LRP1B: variants seen among roughly 807,000 people sequenced by gnomAD.
LRP1B encodes the protein low-density lipoprotein receptor-related protein 1B.
Under a neutral mutation model 556.6 loss-of-function variants are expected in LRP1B, and 217 were observed. That is an observed-to-expected ratio of 0.39 (90% CI 0.35 to 0.44). The LOEUF is 0.44. Among genes scored for constraint, LRP1B ranks in the 20% least tolerant of loss-of-function variants. The pLI is 1.00. For missense variants in LRP1B, 5,053 were observed against 5,620.8 expected, an observed-to-expected ratio of 0.90 and a Z score of 3.23; for synonymous variants, 2,047 against 1,865.8, an observed-to-expected ratio of 1.10 and a Z score of -2.50.
At chr2:141,818,737 C>A (rs1040779480) in intron 1 of LRP1B, among the ~76,000 whole-genome samples, 95 of 151,008 alleles carry the variant, frequency 6.3e-4, no homozygotes, top group African/African-American at 2.2e-3. Flanking sequence ...GGGGTTTCAC[C>A]GTGTTAGCCA....
intron 3 of LRP1B, among the ~76,000 whole-genome samples, chr2:141,442,364 A>G (rs1184695834): frequency 1.3e-5 from 2 of 152,128 alleles, no homozygotes; most frequent in Non-Finnish European, 2.9e-5. Flanking sequence ...TTCATGTAAA[A>G]AACAGTGGAC....
intron 37 of LRP1B, among the ~76,000 whole-genome samples, chr2:140,712,485 G>A (rs1483026993): frequency 1.3e-5 from 2 of 151,570 alleles, no homozygotes; most frequent in Non-Finnish European, 2.9e-5. Context: ...CCTTGTCAAG[G>A]CTCCTCCTAT....
At chr2:141,487,450 T>G (rs182403420) in intron 2 of LRP1B, among the ~76,000 whole-genome samples, 315 of 152,274 alleles carry the variant, frequency 2.1e-3, no homozygotes, top group Non-Finnish European at 3.6e-3. Context: ...TTTCCACCAT[T>G]AATGCATTCT....
chr2:141,758,575 C>G (rs2105587078), intron 2 of LRP1B, among the ~76,000 whole-genome samples: 1 of 151,896 alleles, frequency 6.6e-6, no homozygotes, highest in East Asian at 1.9e-4. Context: ...AAATCTTGAA[C>G]AAAACTCAAT....
Position 141,858,130 on chromosome 2 carries a change from G to GA in LRP1B, c.83-47730dup, listed in dbSNP as rs200641874. Among the ~76,000 whole-genome samples the GA allele has an allele frequency of 8.0e-3, 1,209 of 150,254 alleles. 20 individuals are homozygous for GA. Among genetic ancestry groups the GA allele is most frequent in the African/African-American group, 0.028 (1,131 of 41,026 alleles). ...GGTACCTTGTATTTAGGATCTTCAG[G>GA]AAAAAAAAATACCTGCGTTAAATTT... On this transcript the variant is annotated intron_variant, in intron 1 of 90. Transcript: ENST00000389484.
chr2:140,367,143 T>C (rs182032326), intron 71 of LRP1B, among the ~76,000 whole-genome samples: 2 of 151,832 alleles, frequency 1.3e-5, no homozygotes, highest in African/African-American at 2.4e-5. Context: ...ATTGTTATTA[T>C]TTCTTTAAAG....
intron 3 of LRP1B, among the ~76,000 whole-genome samples, chr2:141,289,884 G>A (rs1685874420): frequency 6.6e-6 from 1 of 152,132 alleles, no homozygotes; most frequent in Non-Finnish European, 1.5e-5. Context: ...ATGTGTTACT[G>A]CTAGTGATAA....
chr2:141,956,990 T>C (rs1482181930), intron 1 of LRP1B, among the ~76,000 whole-genome samples: 1 of 151,986 alleles, frequency 6.6e-6, no homozygotes, highest in Non-Finnish European at 1.5e-5. Flanking sequence ...GTCAGCTACT[T>C]TTGATAGGGG....
At chr2:140,766,839 A>AT (rs1188554113) in intron 35 of LRP1B, among the ~76,000 whole-genome samples, 7 of 22,696 alleles carry the variant, frequency 3.1e-4, no homozygotes, top group East Asian at 0.021. Flanking sequence ...ATATATATAT[A>AT]TATATTATAT....
At chr2:141,582,550 G>C (rs62166485) in intron 2 of LRP1B, among the ~76,000 whole-genome samples, 8,885 of 152,074 alleles carry the variant, frequency 0.058, 299 homozygotes, top group Non-Finnish European at 0.067. Context: ...TTCTCCACAA[G>C]AAAGCAGTTA....
chr2:141,821,325 C>T (rs534710904), intron 1 of LRP1B, among the ~76,000 whole-genome samples: 2 of 152,332 alleles, frequency 1.3e-5, no homozygotes, highest in Admixed American at 6.5e-5. Context: ...TAAGCCTCAT[C>T]TAATGAGTAA....
At chr2:140,814,873 G>T (rs1408776155) in intron 31 of LRP1B, among the ~76,000 whole-genome samples, 2 of 152,106 alleles carry the variant, frequency 1.3e-5, no homozygotes, top group Admixed American at 6.6e-5. Context: ...ACATATTACA[G>T]TGGTGGCCAT....
At chr2:140,512,946 T>C (rs966762987) in intron 51 of LRP1B, among the ~76,000 whole-genome samples, 9 of 152,096 alleles carry the variant, frequency 5.9e-5, no homozygotes, top group Admixed American at 1.3e-4. Flanking sequence ...AGTTAGTACA[T>C]AAAATACAGC....
At chr2:141,765,688 C>A (rs549299881) in intron 2 of LRP1B, among the ~76,000 whole-genome samples, 47 of 152,310 alleles carry the variant, frequency 3.1e-4, no homozygotes, top group African/African-American at 1.1e-3. Context: ...CACACATAAA[C>A]CCTTTTTCAG....
At chr2:140,285,863 T>C (rs1490923749) in intron 84 of LRP1B, among the ~76,000 whole-genome samples, 2 of 151,684 alleles carry the variant, frequency 1.3e-5, no homozygotes, top group African/African-American at 4.8e-5. Flanking sequence ...TCATTGTGTA[T>C]AGTGTACATG....
intron 3 of LRP1B, among the ~76,000 whole-genome samples, chr2:141,377,789 GA>G (rs1256609438): frequency 3.3e-5 from 5 of 152,098 alleles, no homozygotes; most frequent in Admixed American, 3.3e-4. Context: ...TCTTTAGAGT[GA>G]ATTGCATTTT....
rs531782376 is a variant in LRP1B at position 140,967,073 on chromosome 2, TATGAAGAAACTC to T, written c.2887+15075_2887+15086del. Among the ~76,000 whole-genome samples, 40 of 152,324 alleles carry T rather than the reference TATGAAGAAACTC, an allele frequency of 2.6e-4. 1 individual carries two copies. In the South Asian group the frequency reaches 8.1e-3, roughly 31 times the overall value. On this transcript the variant is annotated intron_variant, in intron 18 of 90. Transcript: ENST00000389484. The stretch of plus-strand genomic sequence containing the variant: ...ACTTTAAAGTAGTTTTTTCCAGTTC[TATGAAGAAACTC>T]ATTGGTAGCTTGATGGGGATGGCAT...
chr2:140,946,948 T>C (rs1042893459), intron 20 of LRP1B, among the ~76,000 whole-genome samples: 20 of 152,170 alleles, frequency 1.3e-4, no homozygotes, highest in African/African-American at 3.6e-4. Flanking sequence ...TAGATGTTCT[T>C]ACTTGTAAGT....
chr2:140,955,775 A>C (rs1190929633), intron 18 of LRP1B, among the ~76,000 whole-genome samples: 2 of 151,706 alleles, frequency 1.3e-5, no homozygotes, highest in Non-Finnish European at 3.0e-5. Context: ...ATATTTAACC[A>C]GTATACAAAG....
Sources: gnomAD v4.1 joint callset for allele counts (sites outside exome capture counted in the v4.1 genomes callset) on GRCh38, gnomAD v4.1.1 for gene constraint, MANE v1.5 for transcripts, NCBI Gene and HGNC (gene_info 2026-07-23, HGNC 2026-07-21) for gene names.